The following KMT2C variants were observed in gnomAD, a reference collection of about 807,000 sequenced individuals.
The protein encoded by KMT2C is lysine methyltransferase 2C.
KMT2C carries 88 observed loss-of-function variants against 507.9 expected under a neutral mutation model. The observed-to-expected ratio is 0.17, with a 90% CI of 0.15 to 0.21. The LOEUF is 0.21. KMT2C is among the 10% of genes least tolerant of loss of function. The probability of loss-of-function intolerance (pLI) is 1.00; values close to 1 mark genes in which losing one functional copy is unlikely to be tolerated. For missense variants in KMT2C, 4,954 were observed against 5,957.8 expected (o/e 0.83, Z 5.55); for synonymous variants, 2,049 against 2,080.8 (o/e 0.98, Z 0.42).
intron 1 of KMT2C, among the ~76,000 whole-genome samples, chr7:152,365,504 TCAAACAAA>T (rs112555469): frequency 0.017 from 2,526 of 152,192 alleles, 64 homozygotes; most frequent in African/African-American, 0.057. Flanking sequence ...AGACCCTGTC[TCAAACAAA>T]CAAACAAACA....
intron 6 of KMT2C, among the ~76,000 whole-genome samples, chr7:152,290,055 AAAAC>A (rs71198771): frequency 0.045 from 6,626 of 146,456 alleles, 218 homozygotes; most frequent in South Asian, 0.091. Flanking sequence ...CAAACAAAAC[AAAAC>A]AAACAAACAA....
intron 52 of KMT2C, among the ~76,000 whole-genome samples, chr7:152,147,707 C>CAAAAAAAAA (rs762588729): frequency 1.3e-4 from 6 of 46,718 alleles, no homozygotes; most frequent in African/African-American, 4.7e-4. Flanking sequence ...AACTCCGTCT[C>CAAAAAAAAA]AAAAAAAAAA....
At chr7:152,202,873 T>C in intron 26 of KMT2C, 61 bp downstream of exon 26, 1 of 1,324,678 alleles carries the variant, frequency 7.5e-7, no homozygotes, top group African/African-American at 1.5e-5. Flanking sequence ...GTTTTAAAAC[T>C]CAATACATTT....
intron 1 of KMT2C, among the ~76,000 whole-genome samples, chr7:152,421,324 A>G (rs79686664): frequency 0.05 from 7,625 of 152,270 alleles, 322 homozygotes; most frequent in African/African-American, 0.11. Context: ...AGCCACTGTC[A>G]AAAGCACTTT....
intron 3 of KMT2C, among the ~76,000 whole-genome samples, chr7:152,325,424 A>C (rs1420381094): frequency 2.0e-5 from 3 of 150,768 alleles, no homozygotes; most frequent in African/African-American, 7.3e-5. Flanking sequence ...CTGGGATTAC[A>C]GGCATGAGCC....
chr7:152,243,126 A>G (rs1439526921), intron 14 of KMT2C, among the ~76,000 whole-genome samples: 3 of 152,238 alleles, frequency 2.0e-5, no homozygotes, highest in East Asian at 1.9e-4. Context: ...ATTGAGTTCG[A>G]TATCAAGTAG....
At chr7:152,192,121 G>GT (rs948246851) in intron 31 of KMT2C, among the ~76,000 whole-genome samples, 1 of 151,836 alleles carries the variant, frequency 6.6e-6, no homozygotes, top group African/African-American at 2.4e-5. Context: ...CATAATGATT[G>GT]TAAGATGTTT....
Position 152,181,025 on chromosome 7 carries a change from G to T in KMT2C, c.6835C>A (p.Pro2279Thr), listed in dbSNP as rs775809939. 3.1e-6 allele frequency: 5 copies of T among 1,614,070 alleles called. No homozygotes were observed. The Admixed American group carries it at 5.0e-5, about 16-fold the overall frequency. ...AATGTGTCTGAAAGACCAGGTCCAG[G>T]GGGCCTAGGTGTCTGGGAACATGTA... ...PDTCSQTPRP[P>T]GPGLSDTFSR... Residue 2279 changes from proline to threonine, a missense_variant, in exon 36 of 59, where the codon CCT (proline) becomes ACT (threonine). Coordinates refer to ENST00000262189, the MANE Select transcript of KMT2C (RefSeq NM_170606.3).
chr7:152,245,297 C>G (rs1308757097), intron 14 of KMT2C, among the ~76,000 whole-genome samples: 1 of 152,098 alleles, frequency 6.6e-6, no homozygotes, highest in African/African-American at 2.4e-5. Flanking sequence ...TTTTATATTT[C>G]TCAAAATGTT....
At chr7:152,370,202 AAAAAG>A (rs1466746141) in intron 1 of KMT2C, among the ~76,000 whole-genome samples, 1 of 152,154 alleles carries the variant, frequency 6.6e-6, no homozygotes, top group African/African-American at 2.4e-5. Flanking sequence ...TCAAAAAAAA[AAAAAG>A]AAGACAATAA....
At chr7:152,155,374 A>G (rs2091970104) in intron 46 of KMT2C, among the ~76,000 whole-genome samples, 1 of 152,216 alleles carries the variant, frequency 6.6e-6, no homozygotes, top group South Asian at 2.1e-4. Context: ...CTGGATCTAA[A>G]GAGTTGGCTA....
chr7:152,151,359 T>C, intron 50 of KMT2C, 83 bp downstream of exon 50: 4 of 1,417,164 alleles, frequency 2.8e-6, no homozygotes. Flanking sequence ...AAGTGGTGTC[T>C]CTCTCTGATG....
In KMT2C at chr7:152,148,213, G is replaced by A. The variant is rs1189745385; in HGVS notation, c.13714C>T (p.Pro4572Ser). ...LPQQMQAFHSPKALFPVGYEA... is the reference protein window; with the variant it reads ...LPQQMQAFHSSKALFPVGYEA... ...TAGCCCACAGGGAAGAGTGCTTTAG[G>A]AGAATGGAATGCTTGCATCTGCTGT... The change falls in exon 52 of 59, where the codon CCT (proline) becomes TCT (serine). Residue 4572 changes from proline (P) to serine (S), a missense_variant. By Grantham distance (74) the Pro-to-Ser change is moderately conservative. Transcript: ENST00000262189. The surrounding 1 kb of genome is among the most constrained non-coding windows in gnomAD (Gnocchi z 7.1). The A allele has an allele frequency of 1.9e-6, 3 of 1,614,240 alleles. No homozygotes were observed. The highest frequency in any genetic ancestry group is 2.5e-6 in the Non-Finnish European group (3 of 1,180,032).
chr7:152,287,106 G>T (rs2129184084), intron 6 of KMT2C, among the ~76,000 whole-genome samples: 1 of 152,308 alleles, frequency 6.6e-6, no homozygotes, highest in South Asian at 2.1e-4. Flanking sequence ...CCACTGAGCA[G>T]TAACGCGGCT....
chr7:152,223,470 C>T (rs2094835899), intron 20 of KMT2C, among the ~76,000 whole-genome samples: 1 of 152,018 alleles, frequency 6.6e-6, no homozygotes. Context: ...TCAAGGGATT[C>T]CTAAACCCTC....
chr7:152,217,405 C>T (rs1383985568), intron 23 of KMT2C, among the ~76,000 whole-genome samples: 1 of 152,064 alleles, frequency 6.6e-6, no homozygotes, highest in Non-Finnish European at 1.5e-5. Flanking sequence ...ATTTAGCAAA[C>T]AGAAAGCAAA....
chr7:152,358,655 G>T lies in KMT2C; in HGVS notation c.182C>A (p.Thr61Asn). The change falls in exon 2 of 59, where the codon ACT becomes AAT. Residue 61 changes from threonine to asparagine, a missense_variant. By Grantham distance (65) the Thr-to-Asn change is moderately conservative. Transcript: ENST00000262189. ...CATGCTGTCCTCATCTTCCACTGCAGTTTTCCCCCTACTTCGAGGTCTACA... is the reference window on the plus strand; with the variant it reads ...CATGCTGTCCTCATCTTCCACTGCATTTTTCCCCCTACTTCGAGGTCTACA... Reference protein sequence around the residue: ...ARKKPRSRGKTAVEDEDSMDG... With the variant: ...ARKKPRSRGKNAVEDEDSMDG... 1 of 1,600,426 alleles carries T rather than the reference G, an allele frequency of 6.2e-7. No individual in the cohort carries two copies. The highest frequency in any genetic ancestry group is 8.5e-7 in the Non-Finnish European group (1 of 1,170,980).
chr7:152,228,759 T>C (rs2095015218), intron 18 of KMT2C, among the ~76,000 whole-genome samples: 1 of 152,186 alleles, frequency 6.6e-6, no homozygotes, highest in Admixed American at 6.5e-5. Context: ...GCAGCAACTT[T>C]TATACAGAAT....
At chr7:152,415,307 TAA>T (rs1226158440) in intron 1 of KMT2C, among the ~76,000 whole-genome samples, 1 of 149,692 alleles carries the variant, frequency 6.7e-6, no homozygotes, top group Non-Finnish European at 1.5e-5. Flanking sequence ...TTTTACTTTC[TAA>T]AAGTCAAAAA....
Sources: gnomAD v4.1 joint callset for allele counts (sites outside exome capture counted in the v4.1 genomes callset) on GRCh38, gnomAD v4.1.1 for gene constraint, Gnocchi (gnomAD v3.1) non-coding constraint, MANE v1.5 for transcripts, NCBI Gene and HGNC (gene_info 2026-07-23, HGNC 2026-07-21) for gene names.